The following TDRD12 variants were observed in gnomAD, a reference collection of about 807,000 sequenced individuals.
TDRD12 encodes the protein tudor domain containing 12.
A neutral mutation model predicts 133.5 loss-of-function variants in TDRD12; 158 were observed. That is an observed-to-expected ratio of 1.18 (90% CI 1.04 to 1.35). The LOEUF is 1.35. TDRD12 is among the 40% of genes most tolerant of loss of function. The pLI is 0.00. For missense variants in TDRD12, 1,443 were observed against 1,321.3 expected, an observed-to-expected ratio of 1.09 and a Z score of -1.43; for synonymous variants, 460 against 477.9, an observed-to-expected ratio of 0.96 and a Z score of 0.49.
chr19:32,816,303 C>T (rs534899017), intron 26 of TDRD12, among the ~76,000 whole-genome samples: 1 of 152,220 alleles, frequency 6.6e-6, no homozygotes, highest in Admixed American at 6.5e-5. Flanking sequence ...TGGCTCAGAG[C>T]CTCCCCTCCC....
chr19:32,765,680 G>T (rs1280929189), intron 8 of TDRD12, among the ~76,000 whole-genome samples: 3 of 147,760 alleles, frequency 2.0e-5, no homozygotes, highest in African/African-American at 4.9e-5. Flanking sequence ...TAGGTGGGAA[G>T]TGAACAATGG....
At chr19:32,811,559 G>A (rs1465457436) in intron 24 of TDRD12, 139 bp downstream of exon 24, 5 of 784,962 alleles carry the variant, frequency 6.4e-6, no homozygotes, top group East Asian at 5.4e-5. Flanking sequence ...TCCCCACGGT[G>A]TGTGAACGTC....
chr19:32,732,307 T>C (rs1969082911), intron 2 of TDRD12, among the ~76,000 whole-genome samples: 1 of 151,956 alleles, frequency 6.6e-6, no homozygotes, highest in East Asian at 1.9e-4. Context: ...GCCCAGCCAG[T>C]GTAAGGTTCT....
chr19:32,757,719 T>G (rs1970037111), intron 8 of TDRD12, among the ~76,000 whole-genome samples: 1 of 152,156 alleles, frequency 6.6e-6, no homozygotes, highest in South Asian at 2.1e-4. Context: ...GAAACAACCT[T>G]GAGCAAAGCA....
intron 3 of TDRD12, among the ~76,000 whole-genome samples, chr19:32,741,056 T>G (rs1247439452): frequency 6.6e-6 from 1 of 152,158 alleles, no homozygotes; most frequent in African/African-American, 2.4e-5. Context: ...CCAAATAGAC[T>G]TGATTGTGAT....
chr19:32,813,067 T>C (rs1967060386), intron 24 of TDRD12, among the ~76,000 whole-genome samples: 1 of 151,922 alleles, frequency 6.6e-6, no homozygotes, highest in Non-Finnish European at 1.5e-5. Flanking sequence ...TCTCAGCTAC[T>C]GGGGAGGCTG....
At chr19:32,730,371 A>T (rs947864737) in intron 1 of TDRD12, among the ~76,000 whole-genome samples, 12 of 152,184 alleles carry the variant, frequency 7.9e-5, no homozygotes, top group African/African-American at 2.9e-4. Flanking sequence ...GCCGTGTAAA[A>T]GTGGATCTCA....
At chr19:32,802,183 T>C (rs1040147008) in intron 19 of TDRD12, among the ~76,000 whole-genome samples, 1 of 145,094 alleles carries the variant, frequency 6.9e-6, no homozygotes, top group Non-Finnish European at 1.5e-5. Context: ...ATCATATATA[T>C]GATAGTGATA....
intron 3 of TDRD12, among the ~76,000 whole-genome samples, chr19:32,739,937 T>C (rs1412936223): frequency 4.5e-5 from 6 of 133,344 alleles, no homozygotes; most frequent in Middle Eastern, 4.9e-3. Context: ...ATCTCCTGGG[T>C]GCTCTCTGCA....
At chr19:32,723,660 A>C (rs1968764089) in intron 1 of TDRD12, among the ~76,000 whole-genome samples, 1 of 144,966 alleles carries the variant, frequency 6.9e-6, no homozygotes, top group Non-Finnish European at 1.5e-5. Context: ...TTGCTTGCTG[A>C]GTCTACCAAA....
intron 11 of TDRD12, among the ~76,000 whole-genome samples, chr19:32,781,041 C>CA (rs1970750663): frequency 6.7e-6 from 1 of 149,758 alleles, no homozygotes; most frequent in Non-Finnish European, 1.5e-5. Context: ...CTCCTGGGTT[C>CA]ACGCCATTCT....
chr19:32,804,074 AG>A (rs768725523), intron 21 of TDRD12, among the ~76,000 whole-genome samples: 3 of 151,498 alleles, frequency 2.0e-5, no homozygotes, highest in Non-Finnish European at 2.9e-5. Flanking sequence ...ATTTTGATGA[AG>A]TTTTTTTTGT....
At chr19:32,744,499 CAAAA>C (rs10644749) in intron 4 of TDRD12, among the ~76,000 whole-genome samples, 1 of 38,090 alleles carries the variant, frequency 2.6e-5, no homozygotes, top group Admixed American at 4.7e-4. Context: ...GACTCCGTCT[CAAAA>C]AAAAAAAAAA....
exon 1 of TDRD12, chr19:32,719,789 C>A: frequency 1.8e-6 from 1 of 542,032 alleles, no homozygotes; most frequent in Non-Finnish European, 3.3e-6. Context: ...CGCGGGCATC[C>A]GGTGGGTGCG....
At chr19:32,768,079 C>A (rs1195938832) in intron 8 of TDRD12, among the ~76,000 whole-genome samples, 1 of 152,152 alleles carries the variant, frequency 6.6e-6, no homozygotes, top group Non-Finnish European at 1.5e-5. Context: ...TTGTATACAG[C>A]TGCTTTTGCA....
intron 6 of TDRD12, among the ~76,000 whole-genome samples, chr19:32,751,379 G>A (rs1007452956): frequency 6.6e-6 from 1 of 152,074 alleles, no homozygotes; most frequent in Non-Finnish European, 1.5e-5. Flanking sequence ...TGTTTGCCAG[G>A]TTTTTCCTGT....
chr19:32,728,645 C>CTTTTTT (rs61327045), intron 1 of TDRD12, among the ~76,000 whole-genome samples: 1 of 129,104 alleles, frequency 7.7e-6, no homozygotes, highest in Non-Finnish European at 1.6e-5. Context: ...TTTTCTTTTC[C>CTTTTTT]TTTTTTTTTT....
intron 26 of TDRD12, 142 bp downstream of exon 26, chr19:32,815,762 A>G: frequency 5.3e-6 from 4 of 761,068 alleles, no homozygotes; most frequent in Non-Finnish European, 8.1e-6. Context: ...TTGGGAGGCC[A>G]AGGTGGGCGG....
At chr19:32,808,850 T>C (rs962246561) in intron 22 of TDRD12, among the ~76,000 whole-genome samples, 2 of 152,250 alleles carry the variant, frequency 1.3e-5, no homozygotes, top group African/African-American at 4.8e-5. Flanking sequence ...TTGAAGGTTA[T>C]AGTTTTGATC....
Sources: gnomAD v4.1 joint callset for allele counts (sites outside exome capture counted in the v4.1 genomes callset) on GRCh38, gnomAD v4.1.1 for gene constraint, MANE v1.5 for transcripts, NCBI Gene and HGNC (gene_info 2026-07-23, HGNC 2026-07-21) for gene names.